The following ZNF236 variants were observed in gnomAD, a reference collection of about 807,000 sequenced individuals.
ZNF236 encodes regulated by glucose.
In ZNF236, 50 loss-of-function variants were observed where a neutral mutation model predicts 191.2. The observed-to-expected ratio is 0.26, with a 90% CI of 0.21 to 0.33. The LOEUF (loss-of-function observed/expected upper bound fraction) is 0.33. ZNF236 is among the 10% of genes least tolerant of loss of function. ZNF236 has a pLI of 1.00. For missense variants in ZNF236, 1,754 were observed against 2,374.5 expected (o/e 0.74, Z 5.43); for synonymous variants, 907 against 928.8 (o/e 0.98, Z 0.43).
rs547072246 is a variant in ZNF236, at chr18:76,944,123, G to A, written c.4783-3398G>A. Among the ~76,000 whole-genome samples, 131 of 152,278 alleles carry A rather than the reference G, an allele frequency of 8.6e-4. 1 individual carries two copies. Among genetic ancestry groups the A allele is most frequent in the African/African-American group, 2.6e-3 (107 of 41,548 alleles). The stretch of plus-strand genomic sequence containing the variant: ...GTCTCAGCAGGCCCAAGTTAATTCA[G>A]TAGTCATGGGTGGGGCTGGCGTCTG... On this transcript the variant is annotated intron_variant, in intron 26 of 30. Coordinates refer to ENST00000320610, the MANE Select transcript of ZNF236 (RefSeq NM_001306089.2).
chr18:76,843,775 CAAAAAAAAAAAAAAAAAAAAAAA>C (rs780026489), intron 1 of ZNF236, among the ~76,000 whole-genome samples: 9 of 8,260 alleles, frequency 1.1e-3, no homozygotes, highest in Non-Finnish European at 1.7e-3. Context: ...GACTCCGTCT[CAAAAAAAAAAAAAAAAAAAAAAA>C]AAAAAAAGTA....
intron 1 of ZNF236, among the ~76,000 whole-genome samples, chr18:76,846,278 T>C (rs1027078944): frequency 1.3e-5 from 2 of 152,230 alleles, no homozygotes; most frequent in African/African-American, 4.8e-5. Context: ...ATAGACCTCG[T>C]TCTGAACAAC....
At chr18:76,943,161 CATAATAGCAA>C (rs1326642981) in intron 26 of ZNF236, among the ~76,000 whole-genome samples, 1 of 146,708 alleles carries the variant, frequency 6.8e-6, no homozygotes, top group Admixed American at 6.8e-5. Context: ...AATTTGAGTT[CATAATAGCAA>C]AAAATTTGGA....
chr18:76,904,249 T>C (rs968571192), intron 11 of ZNF236, 131 bp from the exon 12 acceptor site: 2 of 751,056 alleles, frequency 2.7e-6, no homozygotes, highest in Non-Finnish European at 3.8e-6. Flanking sequence ...ACAATTAAAA[T>C]AACATAGTTG....
At chr18:76,905,004 T>A (rs1364066635) in intron 12 of ZNF236, 151 bp from the exon 13 acceptor site, 2 of 832,518 alleles carry the variant, frequency 2.4e-6, no homozygotes, top group African/African-American at 3.4e-5. Context: ...TCAGGCTTCC[T>A]CCCTTGTGAA....
rs373629408 is a variant in ZNF236, at chr18:76,875,456, T to C, written c.668-36T>C. The C allele has an allele frequency of 2.8e-6, 4 of 1,453,272 alleles. No homozygotes were observed. Among genetic ancestry groups the C allele is most frequent in the South Asian group, 1.5e-5 (1 of 65,448 alleles). The allele number at this position is 1,453,272 out of a possible 1,614,324, so 90.0% of individuals were successfully genotyped here. On this transcript the variant is annotated intron_variant, in intron 5 of 30. Transcript: ENST00000320610. This position sits in a 1 kb window ranked among gnomAD's most constrained non-coding sequence, Gnocchi z 4.3. ...CAATCCGTAAGATGCCCATACAATA[T>C]GGAATTATATTTTGATCATTTTTCT...
chr18:76,912,651 ATTAG>A (rs1468357107), intron 17 of ZNF236, among the ~76,000 whole-genome samples: 1 of 152,176 alleles, frequency 6.6e-6, no homozygotes, highest in African/African-American at 2.4e-5. Context: ...CATTTTCGAA[ATTAG>A]TTAAATTTAT....
chr18:76,868,525 A>C (rs1416135793), intron 3 of ZNF236, among the ~76,000 whole-genome samples, 160 bp from the exon 4 acceptor site: 1 of 152,248 alleles, frequency 6.6e-6, no homozygotes, highest in Non-Finnish European at 1.5e-5. Flanking sequence ...TGAGAGGTGA[A>C]AGTGATGCTT....
At chr18:76,939,467 A>G (rs1199051501) in intron 26 of ZNF236, among the ~76,000 whole-genome samples, 1 of 152,172 alleles carries the variant, frequency 6.6e-6, no homozygotes, top group Non-Finnish European at 1.5e-5. Flanking sequence ...CATCTTGGTC[A>G]CTGTATCTCA....
chr18:76,835,531 T>C (rs1249991192), intron 1 of ZNF236, among the ~76,000 whole-genome samples: 1 of 152,202 alleles, frequency 6.6e-6, no homozygotes, highest in African/African-American at 2.4e-5. Flanking sequence ...CTTATCATTA[T>C]GAAATGAGTC....
chr18:76,928,695 C>T (rs553779543), intron 25 of ZNF236, among the ~76,000 whole-genome samples: 5 of 152,216 alleles, frequency 3.3e-5, no homozygotes, highest in South Asian at 4.2e-4. Context: ...TGACTTTTCT[C>T]CTTGTGTGCC....
intron 9 of ZNF236, among the ~76,000 whole-genome samples, chr18:76,888,919 G>A (rs1977145287): frequency 6.6e-6 from 1 of 152,228 alleles, no homozygotes; most frequent in Admixed American, 6.5e-5. Context: ...AGCTGGCTGG[G>A]TGGTCTATGG....
chr18:76,847,590 C>T (rs923146303), intron 1 of ZNF236, among the ~76,000 whole-genome samples: 4 of 152,148 alleles, frequency 2.6e-5, no homozygotes, highest in Non-Finnish European at 5.9e-5. Flanking sequence ...GTCAGCCTCC[C>T]GAGTAGCTGG....
In ZNF236 at chr18:76,927,962, G is replaced by T. The variant is rs1373109253; in HGVS notation, c.4450G>T (p.Gly1484Cys). ...CCTCACTCAAGTGATGACTTCGCAAGGTCTAGTGTCCCCCTCCGGCGGTCC... is the reference window on the plus strand; with the variant it reads ...CCTCACTCAAGTGATGACTTCGCAATGTCTAGTGTCCCCCTCCGGCGGTCC... ...QDLTQVMTSQ[G>C]LVSPSGGPHE... is the part of the protein sequence containing the mutation. Residue 1484 changes from glycine to cysteine, a missense_variant, in exon 25 of 31, where the codon GGT becomes TGT. By Grantham distance (159) the Gly-to-Cys change is radical (BLOSUM62 -3). Around this residue, in one of 5 missense-constraint regions of ZNF236, gnomAD observed 606 missense variants for 761.5 expected, o/e 0.80. Coordinates refer to ENST00000320610, the MANE Select transcript of ZNF236 (RefSeq NM_001306089.2). This position sits in a 1 kb window ranked among gnomAD's most constrained non-coding sequence, Gnocchi z 5.4. The T allele has an allele frequency of 6.2e-7, 1 of 1,611,102 alleles. No homozygotes were observed. The highest frequency in any genetic ancestry group is 1.3e-5 in the African/African-American group (1 of 74,780).
At chr18:76,903,848 T>A (rs985696214) in intron 11 of ZNF236, among the ~76,000 whole-genome samples, 3 of 151,270 alleles carry the variant, frequency 2.0e-5, no homozygotes, top group Non-Finnish European at 2.9e-5. Flanking sequence ...CCTTTAGTGA[T>A]ATCTGTGAAA....
chr18:76,877,818 G>A (rs554701301), intron 6 of ZNF236, among the ~76,000 whole-genome samples, 191 bp from the exon 7 acceptor site: 28 of 152,016 alleles, frequency 1.8e-4, no homozygotes, highest in Non-Finnish European at 4.0e-4. Flanking sequence ...ATCTTATACC[G>A]GCAATATTGT....
intron 1 of ZNF236, among the ~76,000 whole-genome samples, chr18:76,828,881 G>A (rs1354076014): frequency 6.6e-6 from 1 of 152,120 alleles, no homozygotes; most frequent in South Asian, 2.1e-4. Flanking sequence ...TGCCCAGGCT[G>A]GTCTTGAACT....
chr18:76,932,522 A>G (rs1967884796), intron 25 of ZNF236, among the ~76,000 whole-genome samples: 1 of 152,162 alleles, frequency 6.6e-6, no homozygotes, highest in South Asian at 2.1e-4. Flanking sequence ...CCCCCGCTGC[A>G]TGGTTCATGT....
At chr18:76,838,608 C>G (rs1421843097) in intron 1 of ZNF236, among the ~76,000 whole-genome samples, 3 of 152,160 alleles carry the variant, frequency 2.0e-5, no homozygotes, top group African/African-American at 7.2e-5. Context: ...TGCTATATGC[C>G]TGAGTTTCAG....
Sources: allele counts gnomAD v4.1 joint callset (sites outside exome capture counted in the v4.1 genomes callset), GRCh38; gene constraint gnomAD v4.1.1; regional missense constraint gnomAD v4.1.1; non-coding constraint Gnocchi (gnomAD v3.1); transcripts MANE v1.5; gene names NCBI Gene and HGNC (gene_info 2026-07-23, HGNC 2026-07-21).